The following ASAP1 variants were observed in gnomAD, a reference collection of about 807,000 sequenced individuals.
ASAP1 encodes arf-GAP with SH3 domain, ANK repeat and PH domain-containing protein 1.
Under a neutral mutation model 145.2 loss-of-function variants are expected in ASAP1, and 43 were observed. The ratio of observed to expected loss-of-function variants is 0.30; its 90% CI spans 0.23 to 0.38. The LOEUF (loss-of-function observed/expected upper bound fraction) is 0.38, where lower values mean the gene tolerates loss of function less well. ASAP1 is among the 10% of genes least tolerant of loss of function. The pLI is 1.00. For missense variants in ASAP1, 1,018 were observed against 1,355.3 expected, an observed-to-expected ratio of 0.75 and a Z score of 3.91; for synonymous variants, 546 against 515.5, an observed-to-expected ratio of 1.06 and a Z score of -0.80.
intron 3 of ASAP1, among the ~76,000 whole-genome samples, chr8:130,305,537 T>G (rs1344189123): frequency 6.6e-6 from 1 of 152,150 alleles, no homozygotes; most frequent in Non-Finnish European, 1.5e-5. Context: ...CTAATTTTTG[T>G]ATTTTTAGTA....
rs2097596520 is a variant in ASAP1 at position 130,137,051 on chromosome 8, A to G, written c.1081-13T>C. ...GTTGCCTGTTAGACTGGAAAAAAAG[A>G]GAAAATGGAGAAGTTACATGCAGCT... On this transcript the variant is annotated splice_polypyrimidine_tract_variant and intron_variant, in intron 13 of 29. Coordinates refer to ENST00000518721, the MANE Select transcript of ASAP1 (RefSeq NM_018482.4). 6.2e-7 allele frequency: 1 copy of G among 1,609,932 alleles called. No homozygotes were observed. The highest frequency in any genetic ancestry group is 8.5e-7 in the Non-Finnish European group (1 of 1,176,126).
chr8:130,265,708 C>G (rs141413545), intron 3 of ASAP1, among the ~76,000 whole-genome samples: 1 of 152,026 alleles, frequency 6.6e-6, no homozygotes. Context: ...ATGGCAAAAC[C>G]CTGTCTCGCT....
chr8:130,077,067 G>A (rs564449219), intron 26 of ASAP1, among the ~76,000 whole-genome samples: 57 of 152,356 alleles, frequency 3.7e-4, no homozygotes, highest in Admixed American at 2.5e-3. Flanking sequence ...GGAAGGGAAT[G>A]GGGGTGTTGG....
At chr8:130,374,107 T>C (rs1486297252) in intron 2 of ASAP1, among the ~76,000 whole-genome samples, 2 of 138,530 alleles carry the variant, frequency 1.4e-5, no homozygotes, top group Non-Finnish European at 3.1e-5. Context: ...AGACCTGCAA[T>C]CAAATCCTTG....
chr8:130,169,101 T>TA, intron 9 of ASAP1, 34 bp from the exon 10 acceptor site: 1 of 1,251,360 alleles, frequency 8.0e-7, no homozygotes, highest in Non-Finnish European at 1.1e-6. Flanking sequence ...TTACCACCAG[T>TA]ATAAAAAAAA....
chr8:130,233,966 G>A (rs1818060745), intron 4 of ASAP1, among the ~76,000 whole-genome samples: 1 of 152,156 alleles, frequency 6.6e-6, no homozygotes, highest in South Asian at 2.1e-4. Flanking sequence ...AGAATCAGCT[G>A]GGGAATAATA....
At chr8:130,260,463 A>G (rs1819826768) in intron 3 of ASAP1, among the ~76,000 whole-genome samples, 1 of 152,204 alleles carries the variant, frequency 6.6e-6, no homozygotes, top group Non-Finnish European at 1.5e-5. Context: ...ACATATTCTA[A>G]TTGCCATATT....
chr8:130,157,294 GCTAA>G (rs1050880680), intron 12 of ASAP1, among the ~76,000 whole-genome samples: 1 of 152,170 alleles, frequency 6.6e-6, no homozygotes, highest in African/African-American at 2.4e-5. Context: ...GCAGGATTAA[GCTAA>G]CTGATTCTAC....
chr8:130,095,901 G>C (rs1016061058), intron 24 of ASAP1, among the ~76,000 whole-genome samples: 1 of 152,326 alleles, frequency 6.6e-6, no homozygotes, highest in South Asian at 2.1e-4. Context: ...TTACAGGCGT[G>C]AGTCACAGTG....
intron 3 of ASAP1, among the ~76,000 whole-genome samples, chr8:130,254,457 A>T (rs1819393779): frequency 6.6e-6 from 1 of 152,230 alleles, no homozygotes; most frequent in Non-Finnish European, 1.5e-5. Context: ...GGCATGAACC[A>T]CAGTATAACT....
At chr8:130,093,666 C>CAAAAAAAAAAAAAA (rs71572317) in intron 24 of ASAP1, among the ~76,000 whole-genome samples, 13 of 52,200 alleles carry the variant, frequency 2.5e-4, no homozygotes, top group Admixed American at 5.5e-4. Context: ...GACTCCGTCT[C>CAAAAAAAAAAAAAA]AAAAAAAAAA....
intron 27 of ASAP1, among the ~76,000 whole-genome samples, chr8:130,062,186 G>A (rs2097420972): frequency 6.6e-6 from 1 of 152,186 alleles, no homozygotes; most frequent in Non-Finnish European, 1.5e-5. Flanking sequence ...CCTGGCACAA[G>A]GGCCAAGGAC....
intron 3 of ASAP1, among the ~76,000 whole-genome samples, chr8:130,276,103 A>G (rs1820864995): frequency 6.6e-6 from 1 of 152,170 alleles, no homozygotes; most frequent in South Asian, 2.1e-4. Flanking sequence ...TTGCCCTGAC[A>G]AAAGATGTCA....
chr8:130,250,564 T>C (rs536680075), intron 3 of ASAP1, among the ~76,000 whole-genome samples: 1 of 152,278 alleles, frequency 6.6e-6, no homozygotes, highest in South Asian at 2.1e-4. Context: ...TTAGACCCAA[T>C]TGTTTATTCA....
At chr8:130,275,887 C>T (rs143162146) in intron 3 of ASAP1, among the ~76,000 whole-genome samples, 15 of 152,218 alleles carry the variant, frequency 9.9e-5, no homozygotes, top group African/African-American at 3.6e-4. Flanking sequence ...TGGAGGAGAA[C>T]GTAAACCGTT....
chr8:130,171,728 C>T (rs570188632), intron 9 of ASAP1, among the ~76,000 whole-genome samples: 5 of 152,318 alleles, frequency 3.3e-5, no homozygotes, highest in Admixed American at 6.5e-5. Flanking sequence ...GTCAAAGCAG[C>T]GGCTTCATTG....
intron 4 of ASAP1, among the ~76,000 whole-genome samples, chr8:130,232,546 T>C (rs540051371): frequency 5.3e-5 from 8 of 151,700 alleles, no homozygotes; most frequent in African/African-American, 1.9e-4. Context: ...AATGTCCTCA[T>C]ACACAACAAG....
intron 2 of ASAP1, among the ~76,000 whole-genome samples, chr8:130,359,646 T>C (rs1043198389): frequency 2.7e-5 from 4 of 145,744 alleles, no homozygotes; most frequent in Admixed American, 7.0e-5. Context: ...AGACGGAGTC[T>C]CGCTCTGTCG....
chr8:130,200,672 GTTGA>G (rs1815813114), intron 5 of ASAP1, among the ~76,000 whole-genome samples: 1 of 152,066 alleles, frequency 6.6e-6, no homozygotes, highest in African/African-American at 2.4e-5. Context: ...TAAGATTACT[GTTGA>G]TTTTTATTTT....
Sources: gnomAD v4.1 joint callset for allele counts (sites outside exome capture counted in the v4.1 genomes callset) on GRCh38, gnomAD v4.1.1 for gene constraint, MANE v1.5 for transcripts, NCBI Gene and HGNC (gene_info 2026-07-23, HGNC 2026-07-21) for gene names.